TTLL3: variants seen among roughly 807,000 people sequenced by gnomAD.
The protein encoded by TTLL3 is tubulin monoglycylase TTLL3.
A neutral mutation model predicts 75.2 loss-of-function variants in TTLL3; 63 were observed. The observed-to-expected ratio is 0.84, with a 90% CI of 0.68 to 1.03. TTLL3 has a LOEUF of 1.03. Among genes scored for constraint, TTLL3 ranks in the 50% least tolerant of loss-of-function variants. TTLL3 has a pLI of 0.00. For synonymous variants in TTLL3, 393 were observed against 418.5 expected (o/e 0.94, Z 0.74); for missense variants, 997 against 1,069.9 (o/e 0.93, Z 0.95).
Position 9,829,273 on chromosome 3 carries a change from C to T in TTLL3, c.1561C>T (p.Pro521Ser). 2.5e-6 allele frequency: 4 copies of T among 1,614,184 alleles called. No homozygotes were observed. Among genetic ancestry groups the T allele is most frequent in the East Asian group, 2.2e-5 (1 of 44,890 alleles). Reference sequence around the variant, plus strand: ...GATCAACGCCAGCCCCACGATGGCACCCTCCACAGCAGTCACTGCCCGGCT... The same window carrying T: ...GATCAACGCCAGCCCCACGATGGCATCCTCCACAGCAGTCACTGCCCGGCT... ...IEINASPTMA[P>S]STAVTARLCA... The change falls in exon 11 of 14, where the codon CCC becomes TCC. Residue 521 changes from proline (P) to serine (S), a missense_variant. Physicochemically the swap from Pro to Ser is moderately conservative, Grantham distance 74 (BLOSUM62 -1). Coordinates refer to ENST00000685419, the MANE Select transcript of TTLL3 (RefSeq NM_001387446.1).
At position 9,822,624 on chromosome 3, in the gene TTLL3, A is replaced by G. The variant is rs562952368; in HGVS notation, c.854+1883A>G. 5.9e-5 allele frequency among the ~76,000 whole-genome samples: 9 copies of G among 151,434 alleles called. No individual in the cohort carries two copies. The South Asian group carries it at 1.9e-3, about 32-fold the overall frequency. On this transcript the variant is annotated intron_variant, in intron 8 of 13. Coordinates refer to ENST00000685419, the MANE Select transcript of TTLL3 (RefSeq NM_001387446.1). The stretch of plus-strand genomic sequence containing the variant: ...CTGCAACCTCTGCCTCCCAGGCTCA[A>G]GTGATTTTCCCACCTCAGCCTCCTG...
intron 10 of TTLL3, 146 bp from the exon 11 acceptor site, chr3:9,828,814 C>T: frequency 9.7e-7 from 1 of 1,033,804 alleles, no homozygotes; most frequent in Non-Finnish European, 1.4e-6. Context: ...AGGCCTCTGT[C>T]CTTTTTGTCC....
chr3:9,816,267 C>T (rs577271711), intron 5 of TTLL3, 65 bp downstream of exon 5: 4 of 1,300,314 alleles, frequency 3.1e-6, no homozygotes, highest in African/African-American at 1.5e-5. Flanking sequence ...GGCAGCTCTC[C>T]TCCCTGCTCA....
chr3:9,823,677 C>G (rs1249065638), intron 8 of TTLL3, among the ~76,000 whole-genome samples: 1 of 152,108 alleles, frequency 6.6e-6, no homozygotes, highest in African/African-American at 2.4e-5. Flanking sequence ...TTGCCTAGCC[C>G]CCTGCATCTG....
chr3:9,815,109 G>A (rs1167908713), intron 4 of TTLL3, among the ~76,000 whole-genome samples: 2 of 151,768 alleles, frequency 1.3e-5, no homozygotes, highest in Non-Finnish European at 1.5e-5. Context: ...GCCTGGTGGC[G>A]CACACCTGTA....
chr3:9,816,754 C>T (rs969353436), intron 5 of TTLL3, among the ~76,000 whole-genome samples: 2 of 151,990 alleles, frequency 1.3e-5, no homozygotes, highest in African/African-American at 2.4e-5. Context: ...GCTTCAGCTT[C>T]CCAAAGTGCT....
In TTLL3 at chr3:9,835,187, A is replaced by C; in HGVS notation, c.2146A>C (p.Arg716=). 1 of 1,614,184 alleles carries C rather than the reference A, an allele frequency of 6.2e-7. No homozygotes were observed. The highest frequency in any genetic ancestry group is 1.1e-5 in the South Asian group (1 of 91,086). Residue 716 remains arginine, a synonymous_variant, in exon 14 of 14, where the codon AGG becomes CGG. Transcript: ENST00000685419. ...GGAACAATTCCTAGCACCTGTCGGA[A>C]GGTCAAGGCCAAAGGCAAATTCAAG... is the stretch of plus-strand genomic sequence containing the variant. ...KSEQFLAPVG[R]SRPKANSRPD... is the part of the protein sequence containing the mutation.
intron 2 of TTLL3, among the ~76,000 whole-genome samples, chr3:9,811,440 CA>C (rs1412501554): frequency 6.6e-6 from 1 of 152,214 alleles, no homozygotes; most frequent in African/African-American, 2.4e-5. Context: ...ATTCCATCAG[CA>C]AAACCACTTG....
At position 9,825,973 on chromosome 3, in the gene TTLL3, C is replaced by T. The variant is rs756298830; in HGVS notation, c.1003+25C>T. ...GGTGGGGGTCAGCTCCTGCTTCCTGCACTGGCACCTCACCACCTGCATCTA... is the reference window on the plus strand; with the variant it reads ...GGTGGGGGTCAGCTCCTGCTTCCTGTACTGGCACCTCACCACCTGCATCTA... On this transcript the variant is annotated intron_variant, in intron 9 of 13. Transcript: ENST00000685419. 6.2e-6 allele frequency: 10 copies of T among 1,607,318 alleles called. No homozygotes were observed. The South Asian group carries it at 6.6e-5, about 11-fold the overall frequency.
chr3:9,829,912 G>A (rs1205106554), intron 11 of TTLL3, among the ~76,000 whole-genome samples: 1 of 152,116 alleles, frequency 6.6e-6, no homozygotes, highest in Non-Finnish European at 1.5e-5. Context: ...GCATGATCTT[G>A]GCTCACTGCA....
rs200554451 is a variant in TTLL3 at position 9,835,417 on chromosome 3, C to G, written c.2376C>G (p.Asp792Glu). The G allele has an allele frequency of 1.2e-6, 2 of 1,612,998 alleles. No individual in the cohort carries two copies. The highest frequency in any genetic ancestry group is 2.7e-5 in the African/African-American group (2 of 74,902). Residue 792 changes from aspartate (D) to glutamate (E), a missense_variant, in exon 14 of 14, where the codon GAC becomes GAG. Coordinates refer to ENST00000685419, the MANE Select transcript of TTLL3 (RefSeq NM_001387446.1). ...KKKQVKYLGL[D>E]SIAVGGSRVD... Reference sequence around the variant, plus strand: ...AACAAGTGAAGTATTTGGGGCTTGACTCCATTGCTGTTGGAGGGTCAAGAG... The same window carrying G: ...AACAAGTGAAGTATTTGGGGCTTGAGTCCATTGCTGTTGGAGGGTCAAGAG...
At chr3:9,817,583 T>C (rs1049410966) in intron 5 of TTLL3, 62 bp from the exon 6 acceptor site, 2 of 1,611,028 alleles carry the variant, frequency 1.2e-6, no homozygotes, top group Non-Finnish European at 1.7e-6. Flanking sequence ...CTTTCTGAAC[T>C]GTCTGGGTGT....
intron 4 of TTLL3, 131 bp from the exon 5 acceptor site, chr3:9,815,943 G>A: frequency 1.1e-6 from 1 of 897,800 alleles, no homozygotes; most frequent in Non-Finnish European, 1.5e-6. Flanking sequence ...ATGATGTGTG[G>A]GCTAGAGGCC....
chr3:9,828,765 T>G, intron 10 of TTLL3, 195 bp from the exon 11 acceptor site: 1 of 689,866 alleles, frequency 1.4e-6, no homozygotes, highest in Non-Finnish European at 2.4e-6. Flanking sequence ...CCCTGAGAGA[T>G]AAGAGTGGTT....
intron 8 of TTLL3, 30 bp from the exon 9 acceptor site, chr3:9,825,770 C>T: frequency 6.2e-7 from 1 of 1,614,106 alleles, no homozygotes; most frequent in Non-Finnish European, 8.5e-7. Context: ...CCAGGTCCAG[C>T]CCTGCCCAAG....
intron 11 of TTLL3, among the ~76,000 whole-genome samples, chr3:9,831,799 T>A (rs2081561002): frequency 9.8e-6 from 1 of 102,466 alleles, no homozygotes; most frequent in African/African-American, 3.9e-5. Context: ...TTATTTGATT[T>A]TTTTTTTTTT....
chr3:9,821,319 T>C (rs1425258799), intron 8 of TTLL3, among the ~76,000 whole-genome samples: 3 of 152,160 alleles, frequency 2.0e-5, no homozygotes, highest in African/African-American at 7.2e-5. Flanking sequence ...GGGAGAAGCA[T>C]GCAGGAGCAA....
intron 9 of TTLL3, among the ~76,000 whole-genome samples, chr3:9,826,681 T>G (rs2124928289): frequency 7.2e-6 from 1 of 138,194 alleles, no homozygotes; most frequent in Non-Finnish European, 1.5e-5. Context: ...TGCAGTGAGC[T>G]GAGCTCGTGC....
At position 9,826,954 on chromosome 3, in the gene TTLL3, C is replaced by T. The variant is rs770564364; in HGVS notation, c.1004-43C>T. ...TGACAAGCTGGCCCTTCTCCTGGCC[C>T]ACGCCTGACCTTCCAATCCCTGACT... is the stretch of plus-strand genomic sequence containing the variant. On this transcript the variant is annotated intron_variant, in intron 9 of 13. Coordinates refer to ENST00000685419, the MANE Select transcript of TTLL3 (RefSeq NM_001387446.1). The T allele has an allele frequency of 2.5e-6, 4 of 1,612,178 alleles. No homozygotes were observed. In the South Asian group the frequency reaches 3.3e-5, roughly 13 times the overall value.
Sources: gnomAD v4.1 joint callset for allele counts (sites outside exome capture counted in the v4.1 genomes callset) on GRCh38, gnomAD v4.1.1 for gene constraint, MANE v1.5 for transcripts, NCBI Gene and HGNC (gene_info 2026-07-23, HGNC 2026-07-21) for gene names.